The following SULF2 variants were observed in gnomAD, a reference collection of about 807,000 sequenced individuals.
The protein encoded by SULF2 is extracellular sulfatase Sulf-2.
Under a neutral mutation model 107.7 loss-of-function variants are expected in SULF2, and 52 were observed. The observed-to-expected ratio is 0.48, with a 90% CI of 0.39 to 0.61. The LOEUF (loss-of-function observed/expected upper bound fraction) is 0.61, where lower values mean the gene tolerates loss of function less well. Among genes scored for constraint, SULF2 ranks in the 20% least tolerant of loss-of-function variants. The pLI, the probability that SULF2 is intolerant of heterozygous loss-of-function variation, is 0.00. For missense variants in SULF2, 993 were observed against 1,177.3 expected, an observed-to-expected ratio of 0.84 and a Z score of 2.29; for synonymous variants, 460 against 464.3, an observed-to-expected ratio of 0.99 and a Z score of 0.12.
intron 2 of SULF2, 146 bp downstream of exon 2, chr20:47,757,043 C>G (rs1020990174): frequency 2.9e-6 from 2 of 691,518 alleles, no homozygotes; most frequent in East Asian, 2.8e-5. Context: ...ACCCCAAACA[C>G]GTGTGGGTGG....
intron 2 of SULF2, among the ~76,000 whole-genome samples, 175 bp downstream of exon 2, chr20:47,757,014 C>CCTTGAGGGGTCT (rs1283831287): frequency 6.6e-6 from 1 of 152,218 alleles, no homozygotes; most frequent in Non-Finnish European, 1.5e-5. Context: ...AGACCCCTAA[C>CCTTGAGGGGTCT]CTTGAGGACC....
rs2086953345 is a variant in SULF2, at chr20:47,658,145, CAAAGCA to C, written c.*211_*216del. The C allele has an allele frequency of 5.0e-6, 3 of 602,554 alleles. No homozygotes were observed. The highest frequency in any genetic ancestry group is 2.8e-5 in the Admixed American group (1 of 35,570). 37.3% of individuals were successfully genotyped at this position (602,554 alleles called of 1,614,324 possible). A position where few individuals can be genotyped will look rare whatever the true frequency, so the allele number is the denominator to read the frequency against. On this transcript the variant is annotated 3_prime_UTR_variant, in exon 21 of 21. Transcript: ENST00000688720. ...TTTGTGCAGCTGGTGAGGTATAATCCAAAGCAAAAGCAGGGGCAAAAATGGACTTCC... is the reference window on the plus strand; with the variant it reads ...TTTGTGCAGCTGGTGAGGTATAATCCAAAGCAGGGGCAAAAATGGACTTCC...
At chr20:47,688,316 C>T (rs1417649480) in intron 5 of SULF2, among the ~76,000 whole-genome samples, 1 of 152,198 alleles carries the variant, frequency 6.6e-6, no homozygotes, top group Non-Finnish European at 1.5e-5. Flanking sequence ...AGAGATGAGA[C>T]AGCCTTCCAA....
chr20:47,786,077 G>C (rs1397780682), upstream of SULF2: 2 of 152,218 alleles, frequency 1.3e-5, no homozygotes, highest in Non-Finnish European at 2.9e-5. Flanking sequence ...GCTCGCCCTC[G>C]GCGGAGAGTT....
intron 3 of SULF2, among the ~76,000 whole-genome samples, chr20:47,712,902 C>T (rs73135250): frequency 0.016 from 2,456 of 152,146 alleles, 31 homozygotes; most frequent in South Asian, 0.063. Context: ...AGGTGTGGTG[C>T]TGCACGCCTG....
chr20:47,659,810 T>G, intron 18 of SULF2, 80 bp from the exon 19 acceptor site: 1 of 1,117,970 alleles, frequency 8.9e-7, no homozygotes, highest in Non-Finnish European at 1.3e-6. Context: ...AAAACCATCT[T>G]ATGCTTTTTT....
chr20:47,682,825 C>T (rs953612740), intron 7 of SULF2, among the ~76,000 whole-genome samples, 169 bp downstream of exon 7: 7 of 152,198 alleles, frequency 4.6e-5, no homozygotes, highest in African/African-American at 1.7e-4. Flanking sequence ...GCCTCTCCTT[C>T]CCCAGCAGAG....
intron 3 of SULF2, among the ~76,000 whole-genome samples, chr20:47,733,182 A>G (rs993099348): frequency 7.2e-5 from 11 of 152,244 alleles, no homozygotes; most frequent in Non-Finnish European, 1.3e-4. Flanking sequence ...CCTGGTCTAT[A>G]AAGATACTAC....
chr20:47,730,639 C>T (rs1428696671), intron 3 of SULF2, among the ~76,000 whole-genome samples: 4 of 152,036 alleles, frequency 2.6e-5, no homozygotes, highest in Non-Finnish European at 5.9e-5. Flanking sequence ...TTAGTAGAGA[C>T]GGGTTTCACT....
At chr20:47,705,346 C>T (rs1267631509) in intron 3 of SULF2, among the ~76,000 whole-genome samples, 1 of 152,182 alleles carries the variant, frequency 6.6e-6, no homozygotes, top group African/African-American at 2.4e-5. Flanking sequence ...AGGCGGGGAA[C>T]CGGCTGCAGT....
In SULF2 at chr20:47,661,793, C is replaced by A; in HGVS notation, c.2474G>T (p.Arg825Leu). ...CTCACCCAGGTCCATGTTTCGAGTC[C>A]GGGGGTTACACTGCTTGTAACCCTT... ...SCKGYKQCNP[R>L]TRNMDLGLKD... Residue 825 changes from arginine (R) to leucine (L), a missense_variant, in exon 18 of 21, where the codon CGG becomes CTG. Arg to Leu is a moderately radical substitution (Grantham distance 102, BLOSUM62 -2). Coordinates refer to ENST00000688720, the MANE Select transcript of SULF2 (RefSeq NM_001387048.1). The A allele has an allele frequency of 6.4e-7, 1 of 1,560,194 alleles. No individual in the cohort carries two copies. Among genetic ancestry groups the A allele is most frequent in the East Asian group, 2.3e-5 (1 of 43,132 alleles).
chr20:47,737,820 T>C (rs2089781723), intron 2 of SULF2, among the ~76,000 whole-genome samples: 1 of 130,352 alleles, frequency 7.7e-6, no homozygotes, highest in South Asian at 2.5e-4. Context: ...TGGAGTGCAG[T>C]GGTGTGATCT....
At chr20:47,761,920 T>C (rs1248499532) in intron 1 of SULF2, among the ~76,000 whole-genome samples, 4 of 152,244 alleles carry the variant, frequency 2.6e-5, no homozygotes, top group Non-Finnish European at 5.9e-5. Flanking sequence ...GGTTCCCCCA[T>C]ACTGTTCTCA....
intron 14 of SULF2, among the ~76,000 whole-genome samples, chr20:47,664,577 C>T (rs2087199187): frequency 6.6e-6 from 1 of 152,212 alleles, no homozygotes; most frequent in African/African-American, 2.4e-5. Flanking sequence ...ACCACCCTGC[C>T]TACTCACACT....
chr20:47,689,079 G>A (rs919532938), intron 5 of SULF2, among the ~76,000 whole-genome samples: 1 of 152,146 alleles, frequency 6.6e-6, no homozygotes, highest in South Asian at 2.1e-4. Context: ...AAGCAGAAGT[G>A]GGGGGCTGGA....
At chr20:47,779,585 C>A (rs2090785823) in intron 1 of SULF2, among the ~76,000 whole-genome samples, 1 of 152,146 alleles carries the variant, frequency 6.6e-6, no homozygotes, top group South Asian at 2.1e-4. Context: ...TGACTTAAAA[C>A]CCTCCAATGG....
chr20:47,705,802 T>G (rs2088714750), intron 3 of SULF2, among the ~76,000 whole-genome samples: 1 of 104,888 alleles, frequency 9.5e-6, no homozygotes, highest in African/African-American at 3.0e-5. Flanking sequence ...TTCTTTTCTT[T>G]TCTTTTTTTT....
At chr20:47,744,537 C>A (rs2089962124) in intron 2 of SULF2, among the ~76,000 whole-genome samples, 1 of 152,134 alleles carries the variant, frequency 6.6e-6, no homozygotes, top group African/African-American at 2.4e-5. Context: ...TGTGTGCTAC[C>A]CCTATGTGAA....
At chr20:47,734,484 A>G (rs2089684460) in intron 3 of SULF2, among the ~76,000 whole-genome samples, 1 of 152,256 alleles carries the variant, frequency 6.6e-6, no homozygotes, top group South Asian at 2.1e-4. Context: ...TGATCAGTAT[A>G]ACATATCACG....
Sources: gnomAD v4.1 joint callset for allele counts (sites outside exome capture counted in the v4.1 genomes callset) on GRCh38, gnomAD v4.1.1 for gene constraint, MANE v1.5 for transcripts, NCBI Gene and HGNC (gene_info 2026-07-23, HGNC 2026-07-21) for gene names.